INPPL1: variants seen among roughly 807,000 people sequenced by gnomAD.
INPPL1 encodes the protein phosphatidylinositol 3,4,5-trisphosphate 5-phosphatase 2.
Under a neutral mutation model 139.3 loss-of-function variants are expected in INPPL1, and 91 were observed. The observed-to-expected ratio is 0.65, with a 90% CI of 0.55 to 0.78. The LOEUF is 0.78. Ranked by LOEUF, INPPL1 falls within the 30% of genes least tolerant of loss-of-function variation. INPPL1 has a pLI of 0.00. For synonymous variants in INPPL1, 719 were observed against 686.6 expected (o/e 1.05, Z -0.74); for missense variants, 1,411 against 1,665.6 (o/e 0.85, Z 2.66).
Position 72,232,917 on chromosome 11 carries a change from C to A in INPPL1, c.1894C>A (p.Leu632Ile), listed in dbSNP as rs61749195. ...CAGCAGGAAAGAGTTTGAGCCCCTC[C>A]TCAGGGTGGACCAGCTCAACCTGGA... ...YISRKEFEPL[L>I]RVDQLNLERE... Residue 632 changes from leucine (L) to isoleucine (I), a missense_variant, in exon 16 of 28, where the codon CTC becomes ATC. Coordinates refer to ENST00000298229, the MANE Select transcript of INPPL1 (RefSeq NM_001567.4). 27,542 of 1,614,064 alleles carry A rather than the reference C, an allele frequency of 0.017. 329 individuals carry two copies. Among genetic ancestry groups the A allele is most frequent in the East Asian group, 0.056 (2,527 of 44,866 alleles).
At chr11:72,233,000 A>G in intron 16 of INPPL1, 26 bp downstream of exon 16, 1 of 1,612,096 alleles carries the variant, frequency 6.2e-7, no homozygotes, top group Non-Finnish European at 8.5e-7. Flanking sequence ...GTAGGTGGTG[A>G]TCTGAGGGCT....
At position 72,228,432 on chromosome 11, in the gene INPPL1, T is replaced by C. The variant is rs527957059; in HGVS notation, c.331T>C (p.Cys111Arg). The C allele has an allele frequency of 1.9e-6, 3 of 1,612,694 alleles. No individual in the cohort carries two copies. The highest frequency in any genetic ancestry group is 2.5e-6 in the Non-Finnish European group (3 of 1,180,004). ...LYAQPNQGLVCALLLPVEGER... is the reference protein window; with the variant it reads ...LYAQPNQGLVRALLLPVEGER... ...CGCCCAGCCCAACCAGGGCCTTGTGTGCGCCCTGCTTCTTCCTGTAGAGGG... is the reference window on the plus strand; with the variant it reads ...CGCCCAGCCCAACCAGGGCCTTGTGCGCGCCCTGCTTCTTCCTGTAGAGGG... Residue 111 changes from cysteine to arginine, a missense_variant, in exon 3 of 28, where the codon TGC becomes CGC. Transcript: ENST00000298229. This position sits in a 1 kb window ranked among gnomAD's most constrained non-coding sequence, Gnocchi z 5.0.
Position 72,238,132 on chromosome 11 carries a change from G to A in INPPL1, c.3643G>A (p.Glu1215Lys). 1.3e-6 allele frequency: 2 copies of A among 1,587,326 alleles called. No individual in the cohort carries two copies. The highest frequency in any genetic ancestry group is 1.7e-6 in the Non-Finnish European group (2 of 1,167,150). The change falls in exon 27 of 28, where the codon GAG becomes AAG. Residue 1215 changes from glutamate (E) to lysine (K), a missense_variant. Physicochemically the swap from Glu to Lys is moderately conservative, Grantham distance 56 (BLOSUM62 1). This residue lies in a region of INPPL1 where 438 missense variants were observed against 425.7 expected (regional missense o/e 1.03). Transcript: ENST00000298229. ...LRAIGLERYE[E>K]GLVHNGWDDL... ...GGCCATCGGCTTGGAGCGCTATGAG[G>A]AGGGCCTGGTGCATAATGGCTGGGA...
rs756299036 is a variant in INPPL1 at position 72,237,571 on chromosome 11, C to T, written c.3327C>T (p.Phe1109=). Residue 1109 remains phenylalanine, a synonymous_variant, in exon 26 of 28, where the codon TTC becomes TTT. Coordinates refer to ENST00000298229, the MANE Select transcript of INPPL1 (RefSeq NM_001567.4). ...LPPGPSPAST[F]LGEVASGDDR... Reference sequence around the variant, plus strand: ...CAGGCCCCTCACCAGCCAGCACTTTCCTGGGGGAAGTGGCCAGTGGGGATG... The same window carrying T: ...CAGGCCCCTCACCAGCCAGCACTTTTCTGGGGGAAGTGGCCAGTGGGGATG... The T allele has an allele frequency of 6.3e-7, 1 of 1,598,236 alleles. No homozygotes were observed. Among genetic ancestry groups the T allele is most frequent in the Non-Finnish European group, 8.5e-7 (1 of 1,169,692 alleles).
At chr11:72,237,936 C>A in intron 26 of INPPL1, 106 bp from the exon 27 acceptor site, 1 of 1,445,356 alleles carries the variant, frequency 6.9e-7, no homozygotes, top group Admixed American at 2.6e-5. Context: ...ACACATGTAT[C>A]AGCCCAGCCC....
chr11:72,234,498 C>G lies in INPPL1; in HGVS notation c.2327-29C>G, dbSNP rs372121385. 1 of 1,591,844 alleles carries G rather than the reference C, an allele frequency of 6.3e-7. No individual in the cohort carries two copies. Among genetic ancestry groups the G allele is most frequent in the Non-Finnish European group, 8.6e-7 (1 of 1,160,034 alleles). The stretch of plus-strand genomic sequence containing the variant: ...GGAAAGGAAGCTGAGAGGTGGTGCT[C>G]AGTTGGGTGTCTCCCACCCCCACCC... On this transcript the variant is annotated intron_variant, in intron 20 of 27. Transcript: ENST00000298229. This position sits in a 1 kb window ranked among gnomAD's most constrained non-coding sequence, Gnocchi z 4.2.
intron 5 of INPPL1, 29 bp from the exon 6 acceptor site, chr11:72,229,436 G>T: frequency 6.2e-7 from 1 of 1,602,108 alleles, no homozygotes; most frequent in Non-Finnish European, 8.6e-7. Flanking sequence ...GTCGGGGTGG[G>T]AGTTCTTTTG....
chr11:72,225,643 C>A, intron 1 of INPPL1: 1 of 507,080 alleles, frequency 2.0e-6, no homozygotes, highest in Non-Finnish European at 2.5e-6. Context: ...TCTGCCTGGC[C>A]GTGTATGGGT....
rs561416155 is a variant in INPPL1 at position 72,237,165 on chromosome 11, C to T, written c.2921C>T (p.Ala974Val). The T allele has an allele frequency of 9.4e-6, 15 of 1,600,426 alleles. No individual in the cohort carries two copies. The East Asian group carries it at 1.3e-4, about 14-fold the overall frequency. ...GCTCCTGAACCAGAAGGGGTGGCGG[C>T]CCCCCCACCCAAGAACAGCTTCAAT... is the stretch of plus-strand genomic sequence containing the variant. ...EGAPEPEGVA[A>V]PPPKNSFNNP... The change falls in exon 26 of 28, where the codon GCC becomes GTC. Residue 974 changes from alanine (A) to valine (V), a missense_variant. This residue lies in a region of INPPL1 where 438 missense variants were observed against 425.7 expected (regional missense o/e 1.03). Transcript: ENST00000298229.
chr11:72,228,409 C>T lies in INPPL1; in HGVS notation c.308C>T (p.Ala103Val), dbSNP rs994354885. The change falls in exon 3 of 28, where the codon GCC becomes GTC. Residue 103 changes from alanine (A) to valine (V), a missense_variant. Transcript: ENST00000298229. The surrounding 1 kb of genome is among the most constrained non-coding windows in gnomAD (Gnocchi z 5.0). Reference sequence around the variant, plus strand: ...CTGGGTGAGCTCATCGGCCTGTACGCCCAGCCCAACCAGGGCCTTGTGTGC... The same window carrying T: ...CTGGGTGAGCTCATCGGCCTGTACGTCCAGCCCAACCAGGGCCTTGTGTGC... ...QTLGELIGLY[A>V]QPNQGLVCAL... The T allele has an allele frequency of 1.9e-6, 3 of 1,613,128 alleles. No individual in the cohort carries two copies. The highest frequency in any genetic ancestry group is 1.1e-5 in the South Asian group (1 of 91,080).
upstream of INPPL1, chr11:72,223,771 G>A (rs542482182): frequency 3.3e-5 from 5 of 151,620 alleles, no homozygotes; most frequent in South Asian, 7.4e-4. Flanking sequence ...CACCCAGTGG[G>A]CCAGCGGCTC....
In INPPL1 at chr11:72,230,161, G is replaced by C. The variant is rs1354282845; in HGVS notation, c.980G>C (p.Gly327Ala). 6.2e-7 allele frequency: 1 copy of C among 1,611,324 alleles called. No individual in the cohort carries two copies. The highest frequency in any genetic ancestry group is 2.2e-5 in the East Asian group (1 of 44,802). The change falls in exon 9 of 28, where the codon GGG (glycine) becomes GCG (alanine). Residue 327 changes from glycine to alanine, a missense_variant. Gly to Ala is a moderately conservative substitution (Grantham distance 60, BLOSUM62 0). Coordinates refer to ENST00000298229, the MANE Select transcript of INPPL1 (RefSeq NM_001567.4). ...ACCCTGGGTGACCTGACCAAGATTG[G>C]GAAGTCACAGAAGTTCACGCTGAGC... is the stretch of plus-strand genomic sequence containing the variant. The part of the protein sequence containing the change: ...DVTLGDLTKI[G>A]KSQKFTLSVD...
At position 72,228,881 on chromosome 11, in the gene INPPL1, C is replaced by T. The variant is rs1845041101; in HGVS notation, c.518+34C>T. The stretch of plus-strand genomic sequence containing the variant: ...CCCATCCCATCCACTGAACAGGAGA[C>T]CCTTTCTCCTCTGAGAACTATTTCC... On this transcript the variant is annotated intron_variant, in intron 4 of 27. Transcript: ENST00000298229. The surrounding 1 kb of genome is among the most constrained non-coding windows in gnomAD (Gnocchi z 5.0). The T allele has an allele frequency of 6.5e-7, 1 of 1,547,694 alleles. No individual in the cohort carries two copies. Among genetic ancestry groups the T allele is most frequent in the East Asian group, 2.3e-5 (1 of 44,396 alleles).
Position 72,228,309 on chromosome 11 carries a change from T to G in INPPL1, c.247-39T>G. On this transcript the variant is annotated intron_variant, in intron 2 of 27. Coordinates refer to ENST00000298229, the MANE Select transcript of INPPL1 (RefSeq NM_001567.4). The surrounding 1 kb of genome is among the most constrained non-coding windows in gnomAD (Gnocchi z 5.0). ...TGATCCAGCCTAGGGCTTGGGGACC[T>G]GCTGGCTGACCCTTCCTCCCACCCT... 1 of 1,614,028 alleles carries G rather than the reference T, an allele frequency of 6.2e-7. No individual in the cohort carries two copies. The highest frequency in any genetic ancestry group is 1.3e-5 in the African/African-American group (1 of 75,050).
chr11:72,231,247 C>T, intron 12 of INPPL1, 58 bp downstream of exon 12: 1 of 1,507,608 alleles, frequency 6.6e-7, no homozygotes, highest in Non-Finnish European at 9.0e-7. Flanking sequence ...CCAAACTAGC[C>T]TACTTGACTT....
In INPPL1 at chr11:72,237,477, G is replaced by A. The variant is rs750607140; in HGVS notation, c.3233G>A (p.Arg1078Gln). 1.7e-5 allele frequency: 27 copies of A among 1,609,984 alleles called. No individual in the cohort carries two copies. Among genetic ancestry groups the A allele is most frequent in the Middle Eastern group, 1.6e-4 (1 of 6,074 alleles). Residue 1078 changes from arginine (R) to glutamine (Q), a missense_variant, in exon 26 of 28, where the codon CGG becomes CAG. Arg to Gln is a conservative substitution (Grantham distance 43). Around this residue, in one of 5 missense-constraint regions of INPPL1, gnomAD observed 438 missense variants for 425.7 expected, o/e 1.03. Transcript: ENST00000298229. ...SLDPLPGPVV[R>Q]GRGGAEARGP... is the part of the protein sequence containing the mutation. ...GATCCTTTACCAGGGCCAGTGGTCC[G>A]GGGCCGTGGTGGGGCTGAGGCCCGT... is the stretch of plus-strand genomic sequence containing the variant.
At chr11:72,229,260 C>A (rs1166834534) in intron 5 of INPPL1, 30 bp downstream of exon 5, 1 of 1,583,610 alleles carries the variant, frequency 6.3e-7, no homozygotes, top group Non-Finnish European at 8.6e-7. Flanking sequence ...CCATGTATTA[C>A]ACCCTTACCT....
chr11:72,235,287 G>C lies in INPPL1; in HGVS notation c.2504-9G>C, dbSNP rs758302635. 3 of 1,613,864 alleles carry C rather than the reference G, an allele frequency of 1.9e-6. No individual in the cohort carries two copies. The African/African-American group carries it at 4.0e-5, about 22-fold the overall frequency. On this transcript the variant is annotated splice_polypyrimidine_tract_variant and intron_variant, in intron 22 of 27. Transcript: ENST00000298229. The surrounding 1 kb of genome is among the most constrained non-coding windows in gnomAD (Gnocchi z 4.9). ...GGTAATTTGCTGGTTTGTCCCATCT[G>C]CTCCTCAGGGGAGTGTGTGGTTGCA...
chr11:72,225,297 G>A, intron 1 of INPPL1, 131 bp downstream of exon 1: 2 of 1,221,944 alleles, frequency 1.6e-6, no homozygotes, highest in Non-Finnish European at 2.0e-6. Context: ...CCCAGAGTGG[G>A]AGCCTTGGCT....
Sources: gnomAD v4.1 joint callset for allele counts on GRCh38, gnomAD v4.1.1 for gene constraint, gnomAD v4.1.1 regional missense constraint, Gnocchi (gnomAD v3.1) non-coding constraint, MANE v1.5 for transcripts, NCBI Gene and HGNC (gene_info 2026-07-23, HGNC 2026-07-21) for gene names.